ACTN1: variants seen among roughly 807,000 people sequenced by gnomAD.
The protein encoded by ACTN1 is actinin alpha 1.
A neutral mutation model predicts 119.6 loss-of-function variants in ACTN1; 30 were observed. That is an observed-to-expected ratio of 0.25 (90% CI 0.19 to 0.34). ACTN1 has a LOEUF of 0.34. Ranked by LOEUF, ACTN1 falls within the 10% of genes least tolerant of loss-of-function variation. The pLI is 1.00. For missense variants in ACTN1, 764 were observed against 1,223.4 expected (o/e 0.62, Z 5.60); for synonymous variants, 429 against 472.6 (o/e 0.91, Z 1.20).
chr14:68,960,543 A>T (rs181407924), intron 1 of ACTN1, among the ~76,000 whole-genome samples: 16 of 152,192 alleles, frequency 1.1e-4, no homozygotes, highest in African/African-American at 3.6e-4. Flanking sequence ...TTAAAAACTA[A>T]CCTCTTTTAA....
intron 1 of ACTN1, among the ~76,000 whole-genome samples, chr14:68,937,278 T>C (rs1268055960): frequency 6.6e-6 from 1 of 152,136 alleles, no homozygotes; most frequent in East Asian, 1.9e-4. Flanking sequence ...AATATATACA[T>C]TTAATTGTTA....
chr14:68,884,255 C>T lies in ACTN1; in HGVS notation c.1548G>A (p.Lys516=). The T allele has an allele frequency of 6.2e-7, 1 of 1,614,150 alleles. No individual in the cohort carries two copies. Among genetic ancestry groups the T allele is most frequent in the East Asian group, 2.2e-5 (1 of 44,878 alleles). The change falls in exon 14 of 22, where the codon AAG becomes AAA. Residue 516 remains lysine (K), a synonymous_variant. Transcript: ENST00000394419. ...TIDQLYLEYA[K]RAAPFNNWME... ...TCCAGTTGTTGAAGGGTGCAGCCCG[C>T]TTGGCATACTCCAAGTACAGCTGGT...
At chr14:68,939,593 G>T (rs548859450) in intron 1 of ACTN1, among the ~76,000 whole-genome samples, 2 of 152,174 alleles carry the variant, frequency 1.3e-5, no homozygotes, top group Non-Finnish European at 2.9e-5. Context: ...TAGGAAGACC[G>T]AAAGCGGCTT....
rs1486458818 is a variant in ACTN1, at chr14:68,925,583, G to A, written c.195C>T (p.Leu65=). ...CTGAGATGACCTCCAGCAGCAGCAT[G>A]AGCTTCAGGCCATCCCGGAAGTCCT... ...IEEDFRDGLK[L]MLLLEVISGE... Residue 65 remains leucine (L), a synonymous_variant, in exon 2 of 22, where the codon CTC becomes CTT. Coordinates refer to ENST00000394419, the MANE Select transcript of ACTN1 (RefSeq NM_001130004.2). This position sits in a 1 kb window ranked among gnomAD's most constrained non-coding sequence, Gnocchi z 4.3. The A allele has an allele frequency of 1.9e-5, 30 of 1,613,194 alleles. No individual in the cohort carries two copies. Among genetic ancestry groups the A allele is most frequent in the Non-Finnish European group, 2.5e-5 (30 of 1,179,544 alleles).
rs983122820 is a variant in ACTN1 at position 68,885,906 on chromosome 14, AG to A, written c.1235-332del. ...GCCATCCACACCCTCTGGTATAACC[AG>A]GAAAAAAACAACCCAAGCACCTCAG... On this transcript the variant is annotated intron_variant, in intron 11 of 21. Coordinates refer to ENST00000394419, the MANE Select transcript of ACTN1 (RefSeq NM_001130004.2). This position sits in a 1 kb window ranked among gnomAD's most constrained non-coding sequence, Gnocchi z 5.6. 1 of 230,736 alleles carries A rather than the reference AG, an allele frequency of 4.3e-6. No individual in the cohort carries two copies. The highest frequency in any genetic ancestry group is 8.7e-6 in the Non-Finnish European group (1 of 114,588). The allele number at this position is 230,736 out of a possible 1,614,324, so 14.3% of individuals were successfully genotyped here. A position where few individuals can be genotyped will look rare whatever the true frequency, so the allele number is the denominator to read the frequency against.
chr14:68,905,542 A>G (rs907019909), intron 6 of ACTN1, among the ~76,000 whole-genome samples: 1 of 152,210 alleles, frequency 6.6e-6, no homozygotes, highest in African/African-American at 2.4e-5. Flanking sequence ...AAGAGGTGGA[A>G]GCAACCCAAG....
At chr14:68,913,781 C>T (rs2034136275) in intron 3 of ACTN1, among the ~76,000 whole-genome samples, 1 of 152,216 alleles carries the variant, frequency 6.6e-6, no homozygotes, top group African/African-American at 2.4e-5. Context: ...GAGCCCCAGA[C>T]ACCAGGCGGG....
chr14:68,877,065 A>G lies in ACTN1; in HGVS notation c.2586+17T>C. ...TGCCTGCCACCCCAGCACAGTGCCC[A>G]CCCATAGGACACCCACCTTGTCCCC... On this transcript the variant is annotated intron_variant, in intron 21 of 21. Transcript: ENST00000394419. The G allele has an allele frequency of 6.2e-7, 1 of 1,613,560 alleles. No homozygotes were observed. Among genetic ancestry groups the G allele is most frequent in the Non-Finnish European group, 8.5e-7 (1 of 1,179,758 alleles).
chr14:68,905,526 G>A (rs958400070), intron 6 of ACTN1, among the ~76,000 whole-genome samples: 1 of 152,202 alleles, frequency 6.6e-6, no homozygotes, highest in South Asian at 2.1e-4. Context: ...ATTATTCACA[G>A]TAGCCAAGAG....
intron 1 of ACTN1, among the ~76,000 whole-genome samples, chr14:68,968,921 A>G (rs570199822): frequency 6.6e-6 from 1 of 152,348 alleles, no homozygotes; most frequent in South Asian, 2.1e-4. Context: ...TATTCCCAGA[A>G]CAGTCCCAGG....
intron 1 of ACTN1, among the ~76,000 whole-genome samples, chr14:68,938,623 G>T (rs2035638772): frequency 6.6e-6 from 1 of 152,110 alleles, no homozygotes; most frequent in African/African-American, 2.4e-5. Context: ...CTGGCTGTGT[G>T]GCTTTAGTTA....
chr14:68,932,910 C>T (rs1310351747), intron 1 of ACTN1, among the ~76,000 whole-genome samples: 1 of 152,166 alleles, frequency 6.6e-6, no homozygotes, highest in Admixed American at 6.6e-5. Flanking sequence ...CTGGAGGAGA[C>T]AAACACATAT....
At chr14:68,901,912 G>A (rs2033365233) in intron 8 of ACTN1, among the ~76,000 whole-genome samples, 1 of 152,248 alleles carries the variant, frequency 6.6e-6, no homozygotes, top group African/African-American at 2.4e-5. Flanking sequence ...AACACAGAGT[G>A]CAGCATGGCC....
intron 11 of ACTN1, chr14:68,887,340 C>T (rs1233353752): frequency 1.4e-5 from 5 of 362,516 alleles, no homozygotes; most frequent in Non-Finnish European, 2.6e-5. Context: ...ACAGGGAGAG[C>T]CATGATCAAA....
chr14:68,908,581 G>C (rs2033810098), intron 6 of ACTN1, among the ~76,000 whole-genome samples: 1 of 152,168 alleles, frequency 6.6e-6, no homozygotes, highest in Non-Finnish European at 1.5e-5. Context: ...CATGCCATGT[G>C]GCCTCTTGGC....
At chr14:68,933,744 G>A (rs1342324551) in intron 1 of ACTN1, among the ~76,000 whole-genome samples, 1 of 151,954 alleles carries the variant, frequency 6.6e-6, no homozygotes, top group Non-Finnish European at 1.5e-5. Flanking sequence ...CACTTTGGGA[G>A]GCCAAAGTGG....
At chr14:68,930,838 C>T (rs1349853111) in intron 1 of ACTN1, among the ~76,000 whole-genome samples, 1 of 152,198 alleles carries the variant, frequency 6.6e-6, no homozygotes, top group Admixed American at 6.5e-5. Flanking sequence ...TCTATTGTTA[C>T]TATTGCCACC....
chr14:68,977,809 C>CCCA (rs59745876), intron 1 of ACTN1: 27 of 368,510 alleles, frequency 7.3e-5, no homozygotes, highest in South Asian at 4.5e-4. Flanking sequence ...GTCCCCCCCC[C>CCCA]ACCCAAAACC....
At chr14:68,964,960 G>A (rs1332247466) in intron 1 of ACTN1, among the ~76,000 whole-genome samples, 1 of 152,216 alleles carries the variant, frequency 6.6e-6, no homozygotes, top group East Asian at 1.9e-4. Context: ...CTGCCTGCAT[G>A]TGTGAAATTC....
Sources: allele counts gnomAD v4.1 joint callset (sites outside exome capture counted in the v4.1 genomes callset), GRCh38; gene constraint gnomAD v4.1.1; non-coding constraint Gnocchi (gnomAD v3.1); transcripts MANE v1.5; gene names NCBI Gene and HGNC (gene_info 2026-07-23, HGNC 2026-07-21).